Variants in PTPRD observed in about 807,000 individuals in gnomAD.
PTPRD encodes receptor-type tyrosine-protein phosphatase delta.
PTPRD carries 34 observed loss-of-function variants against 214.5 expected under a neutral mutation model. The ratio of observed to expected loss-of-function variants is 0.16; its 90% confidence interval spans 0.12 to 0.21. The LOEUF is 0.21. PTPRD is among the 10% of genes least tolerant of loss of function. The pLI is 1.00. For synonymous variants in PTPRD, 1,128 were observed against 845.7 expected (o/e 1.33, Z -5.79); for missense variants, 2,545 against 2,398.7 (o/e 1.06, Z -1.27).
chr9:9,437,135 C>A (rs1371923424), intron 8 of PTPRD, among the ~76,000 whole-genome samples: 1 of 152,138 alleles, frequency 6.6e-6, no homozygotes, highest in Non-Finnish European at 1.5e-5. Flanking sequence ...GCACATTCTG[C>A]CTTTATTGGC....
chr9:9,837,732 T>G lies in PTPRD; in HGVS notation c.-367-70881A>C, dbSNP rs575716297. On this transcript the variant is annotated intron_variant, in intron 5 of 45. Transcript: ENST00000381196. Reference sequence around the variant, plus strand: ...AGACTGGTATGACTTTGGCTGTGTTTTCTGTTCTCTGTCCTTGCTGCATTT... The same window carrying G: ...AGACTGGTATGACTTTGGCTGTGTTGTCTGTTCTCTGTCCTTGCTGCATTT... Among the ~76,000 whole-genome samples, 18 of 152,182 alleles carry G rather than the reference T, an allele frequency of 1.2e-4. No individual in the cohort carries two copies. In the South Asian group the frequency reaches 3.5e-3, roughly 30 times the overall value.
At chr9:10,143,608 A>G (rs1189616674) in intron 3 of PTPRD, among the ~76,000 whole-genome samples, 1 of 152,252 alleles carries the variant, frequency 6.6e-6, no homozygotes, top group Non-Finnish European at 1.5e-5. Context: ...ATCCACTTGT[A>G]TGTTCATTGC....
At chr9:8,908,894 T>C (rs894012804) in intron 11 of PTPRD, among the ~76,000 whole-genome samples, 1 of 151,094 alleles carries the variant, frequency 6.6e-6, no homozygotes, top group Non-Finnish European at 1.5e-5. Context: ...CCTATCATTA[T>C]TAATGCTACA....
At chr9:10,606,963 C>T (rs1351010274) in intron 2 of PTPRD, among the ~76,000 whole-genome samples, 3 of 151,858 alleles carry the variant, frequency 2.0e-5, no homozygotes, top group African/African-American at 7.2e-5. Flanking sequence ...TTCATGAATT[C>T]TGTATTTAAT....
intron 2 of PTPRD, among the ~76,000 whole-genome samples, chr9:10,358,593 G>T (rs908394826): frequency 2.6e-5 from 4 of 151,854 alleles, no homozygotes; most frequent in Non-Finnish European, 4.4e-5. Flanking sequence ...ATAGCAAACT[G>T]TCTGAAAAAT....
At chr9:9,333,914 G>A (rs557920680) in intron 9 of PTPRD, among the ~76,000 whole-genome samples, 3 of 151,910 alleles carry the variant, frequency 2.0e-5, no homozygotes, top group Non-Finnish European at 2.9e-5. Flanking sequence ...AAATATTGAT[G>A]GAATAGAATA....
intron 3 of PTPRD, among the ~76,000 whole-genome samples, chr9:10,253,943 T>A (rs1325859328): frequency 6.6e-6 from 1 of 152,090 alleles, no homozygotes; most frequent in Non-Finnish European, 1.5e-5. Flanking sequence ...AAGAAAAATA[T>A]CCAAAAACAA....
At chr9:8,325,119 C>G (rs1832354221) in intron 44 of PTPRD, among the ~76,000 whole-genome samples, 1 of 149,092 alleles carries the variant, frequency 6.7e-6, no homozygotes, top group Admixed American at 6.7e-5. Context: ...CCATTTGCCA[C>G]TTTTGGCTTT....
Position 9,189,296 on chromosome 9 carries a change from G to A in PTPRD, c.-202-5933C>T, listed in dbSNP as rs192038557. Among the ~76,000 whole-genome samples the A allele has an allele frequency of 2.8e-3, 432 of 152,228 alleles. 2 individuals are homozygous for A. Among genetic ancestry groups the A allele is most frequent in the African/African-American group, 0.01 (416 of 41,568 alleles). On this transcript the variant is annotated intron_variant, in intron 9 of 45. Coordinates refer to ENST00000381196, the MANE Select transcript of PTPRD (RefSeq NM_002839.4). ...ACATCTAATTAAACCTCATTTCACA[G>A]ATGAGGAAGTTGAGGTGCACAGTTG...
chr9:10,002,605 TAA>T (rs1232710579), intron 4 of PTPRD, among the ~76,000 whole-genome samples: 1 of 150,722 alleles, frequency 6.6e-6, no homozygotes, highest in African/African-American at 2.4e-5. Context: ...GAATATTTTG[TAA>T]TAATAAAATG....
At chr9:9,257,239 G>C (rs1156871788) in intron 9 of PTPRD, among the ~76,000 whole-genome samples, 3 of 151,948 alleles carry the variant, frequency 2.0e-5, no homozygotes, top group African/African-American at 7.2e-5. Flanking sequence ...TGAGCAGAAG[G>C]AAGGAGGAGA....
intron 9 of PTPRD, among the ~76,000 whole-genome samples, chr9:9,244,994 C>T (rs919062243): frequency 6.6e-6 from 1 of 152,162 alleles, no homozygotes; most frequent in Non-Finnish European, 1.5e-5. Flanking sequence ...ACAGACACTT[C>T]TCAAAAGAAG....
intron 14 of PTPRD, among the ~76,000 whole-genome samples, chr9:8,567,584 G>C (rs1251022273): frequency 6.6e-6 from 1 of 152,182 alleles, no homozygotes; most frequent in African/African-American, 2.4e-5. Context: ...CAGTGCCACA[G>C]TGGCTGCTCA....
chr9:10,307,881 T>G (rs2096135505), intron 3 of PTPRD, among the ~76,000 whole-genome samples: 1 of 152,056 alleles, frequency 6.6e-6, no homozygotes, highest in Non-Finnish European at 1.5e-5. Context: ...GAAAAATATC[T>G]ATTCATATCA....
chr9:9,782,266 A>T (rs2098852553), intron 5 of PTPRD, among the ~76,000 whole-genome samples: 1 of 152,180 alleles, frequency 6.6e-6, no homozygotes, highest in South Asian at 2.1e-4. Flanking sequence ...CATAAGATAT[A>T]CTGTCTTACA....
At chr9:9,414,642 C>T (rs2076480261) in intron 8 of PTPRD, 1 of 152,138 alleles carries the variant, frequency 6.6e-6, no homozygotes, top group African/African-American at 2.4e-5. Flanking sequence ...AAGATTAGAA[C>T]CATCATATCA....
chr9:10,140,665 A>T (rs527557140), intron 3 of PTPRD, among the ~76,000 whole-genome samples: 12 of 152,292 alleles, frequency 7.9e-5, no homozygotes, highest in African/African-American at 2.6e-4. Flanking sequence ...ATTCTCCCAG[A>T]GGTACAAGGA....
intron 9 of PTPRD, among the ~76,000 whole-genome samples, chr9:9,261,153 G>A (rs569223052): frequency 2.7e-4 from 41 of 151,900 alleles, no homozygotes; most frequent in African/African-American, 9.4e-4. Context: ...GCCTGTTTAC[G>A]AGTGGCTGCT....
chr9:8,968,056 C>G (rs1248833350), intron 11 of PTPRD, among the ~76,000 whole-genome samples: 2 of 152,008 alleles, frequency 1.3e-5, no homozygotes, highest in East Asian at 3.9e-4. Flanking sequence ...TTTCCAGCTT[C>G]ATCCATGTCC....
Sources: allele counts gnomAD v4.1 joint callset (sites outside exome capture counted in the v4.1 genomes callset), GRCh38; gene constraint gnomAD v4.1.1; transcripts MANE v1.5; gene names NCBI Gene and HGNC (gene_info 2026-07-23, HGNC 2026-07-21).